RBFOX1: variants seen among roughly 807,000 people sequenced by gnomAD.
The protein encoded by RBFOX1 is RNA binding protein fox-1 homolog 1.
Under a neutral mutation model 57.7 loss-of-function variants are expected in RBFOX1, and 8 were observed. The observed-to-expected ratio is 0.14, with a 90% CI of 0.08 to 0.25. The LOEUF (loss-of-function observed/expected upper bound fraction) is 0.25. Among genes scored for constraint, RBFOX1 ranks in the 10% least tolerant of loss-of-function variants. The pLI is 1.00. For missense variants in RBFOX1, 611 were observed against 548.5 expected (o/e 1.11, Z -1.14); for synonymous variants, 326 against 222.4 (o/e 1.47, Z -4.15).
At chr16:7,589,442 G>A (rs2094319140) in intron 7 of RBFOX1, among the ~76,000 whole-genome samples, 1 of 151,902 alleles carries the variant, frequency 6.6e-6, no homozygotes, top group Non-Finnish European at 1.5e-5. Flanking sequence ...GGGGGCTTCA[G>A]GAAAAAGACC....
At chr16:5,493,394 C>G (rs111443402) in intron 2 of RBFOX1, among the ~76,000 whole-genome samples, 1 of 152,210 alleles carries the variant, frequency 6.6e-6, no homozygotes, top group South Asian at 2.1e-4. Flanking sequence ...ACAAACCCTC[C>G]GCACCCTCTG....
intron 2 of RBFOX1, among the ~76,000 whole-genome samples, chr16:6,442,088 C>T (rs1423215743): frequency 6.6e-6 from 1 of 152,142 alleles, no homozygotes; most frequent in Non-Finnish European, 1.5e-5. Flanking sequence ...AACAACCTTC[C>T]CTCACAGGCT....
chr16:7,016,891 C>A (rs1240514061), intron 3 of RBFOX1, among the ~76,000 whole-genome samples: 1 of 152,128 alleles, frequency 6.6e-6, no homozygotes, highest in Non-Finnish European at 1.5e-5. Flanking sequence ...TGTCACTTGA[C>A]CCTGTGTACC....
At chr16:6,857,846 C>G (rs1432761774) in intron 3 of RBFOX1, among the ~76,000 whole-genome samples, 3 of 152,214 alleles carry the variant, frequency 2.0e-5, no homozygotes, top group African/African-American at 7.2e-5. Flanking sequence ...GTTTGTAGCT[C>G]TTCATGCTCA....
At chr16:6,616,081 G>A (rs1053238951) in intron 2 of RBFOX1, among the ~76,000 whole-genome samples, 1 of 152,190 alleles carries the variant, frequency 6.6e-6, no homozygotes, top group Non-Finnish European at 1.5e-5. Flanking sequence ...CTGTGCAGCA[G>A]ATGAGGACAG....
At chr16:6,350,603 T>C (rs911302903) in intron 2 of RBFOX1, among the ~76,000 whole-genome samples, 1 of 151,822 alleles carries the variant, frequency 6.6e-6, no homozygotes, top group Admixed American at 6.6e-5. Context: ...AACAATGGCA[T>C]CCATACATCT....
intron 15 of RBFOX1, chr16:7,710,248 C>A (rs1044550541): frequency 1.9e-6 from 2 of 1,073,974 alleles, no homozygotes; most frequent in Middle Eastern, 4.2e-4. Flanking sequence ...AACACCTAGT[C>A]CACATGAGGA....
rs1217935939 is a variant in RBFOX1 at position 5,703,090 on chromosome 16, A to G, written c.318+104129A>G. On this transcript the variant is annotated intron_variant, in intron 3 of 19. Coordinates refer to the RBFOX1 transcript ENST00000641259. ...TAGGCACTAAGAAGATGATGATGAA[A>G]AAGATGCCAGGTCTTTGCCCACATG... 2.6e-5 allele frequency among the ~76,000 whole-genome samples: 4 copies of G among 152,326 alleles called. No homozygotes were observed. The East Asian group carries it at 7.7e-4, about 29-fold the overall frequency.
chr16:6,857,760 G>C (rs974167403), intron 3 of RBFOX1, among the ~76,000 whole-genome samples: 1 of 152,138 alleles, frequency 6.6e-6, no homozygotes, highest in African/African-American at 2.4e-5. Context: ...AGTGGAATGC[G>C]AATTTTGTTC....
intron 4 of RBFOX1, among the ~76,000 whole-genome samples, chr16:7,420,813 G>C (rs896131836): frequency 1.3e-5 from 2 of 149,306 alleles, no homozygotes; most frequent in East Asian, 2.0e-4. Flanking sequence ...CTGTGGTACT[G>C]AGTACTTTAA....
At chr16:7,522,998 C>T (rs1004052321) in intron 5 of RBFOX1, among the ~76,000 whole-genome samples, 1 of 152,184 alleles carries the variant, frequency 6.6e-6, no homozygotes, top group Admixed American at 6.5e-5. Context: ...CCTCCTCCTC[C>T]TTGCCTCATC....
intron 3 of RBFOX1, among the ~76,000 whole-genome samples, chr16:6,688,061 A>G (rs2154129784): frequency 1.3e-5 from 2 of 152,292 alleles, no homozygotes; most frequent in East Asian, 3.9e-4. Context: ...ACTGCCATAG[A>G]CAAATATTTG....
chr16:7,069,189 A>AT (rs1381995180), intron 4 of RBFOX1, among the ~76,000 whole-genome samples: 1 of 152,148 alleles, frequency 6.6e-6, no homozygotes, highest in African/African-American at 2.4e-5. Context: ...TAATTTATTT[A>AT]TTTTTTAATT....
At chr16:6,263,603 C>T (rs1275070621) in intron 1 of RBFOX1, among the ~76,000 whole-genome samples, 2 of 152,304 alleles carry the variant, frequency 1.3e-5, no homozygotes, top group South Asian at 2.1e-4. Context: ...GTCTCCCTCC[C>T]TTCCTGTCTC....
At chr16:7,163,445 C>T (rs1194836975) in intron 4 of RBFOX1, among the ~76,000 whole-genome samples, 2 of 152,042 alleles carry the variant, frequency 1.3e-5, no homozygotes, top group African/African-American at 2.4e-5. Context: ...TTTTGCTTTG[C>T]AAGTGGGTGA....
chr16:5,619,069 A>G (rs1445913925), intron 3 of RBFOX1, among the ~76,000 whole-genome samples: 2 of 152,198 alleles, frequency 1.3e-5, no homozygotes, highest in African/African-American at 4.8e-5. Flanking sequence ...GTCTATTCAC[A>G]GTCACCGTAG....
intron 4 of RBFOX1, among the ~76,000 whole-genome samples, chr16:6,007,967 C>A (rs770504381): frequency 1.8e-4 from 28 of 152,220 alleles, no homozygotes; most frequent in Non-Finnish European, 3.4e-4. Flanking sequence ...AATCCCAACA[C>A]CTTAGGAGGT....
At chr16:7,360,606 C>T (rs961907984) in intron 4 of RBFOX1, among the ~76,000 whole-genome samples, 1 of 152,118 alleles carries the variant, frequency 6.6e-6, no homozygotes, top group East Asian at 1.9e-4. Flanking sequence ...TCCTGTAGGC[C>T]ACAACAAAGG....
intron 4 of RBFOX1, among the ~76,000 whole-genome samples, chr16:7,496,747 G>GAAAA (rs71150303): frequency 0.56 from 70,957 of 126,646 alleles, 21,194 homozygotes; most frequent in Non-Finnish European, 0.68. Context: ...CTACAGAACA[G>GAAAA]AAAAAAAAAA....
Sources: allele counts gnomAD v4.1 joint callset (sites outside exome capture counted in the v4.1 genomes callset), GRCh38; gene constraint gnomAD v4.1.1; transcripts MANE v1.5; gene names NCBI Gene and HGNC (gene_info 2026-07-23, HGNC 2026-07-21).